The following KANK4 variants were observed in gnomAD, a reference collection of about 807,000 sequenced individuals.
KANK4 encodes the protein KN motif and ankyrin repeat domains 4.
KANK4 carries 50 observed loss-of-function variants against 80.8 expected under a neutral mutation model. The observed-to-expected ratio is 0.62, with a 90% CI of 0.49 to 0.78. The LOEUF (loss-of-function observed/expected upper bound fraction) is 0.78. Among genes scored for constraint, KANK4 ranks in the 30% least tolerant of loss-of-function variants. The pLI, the probability that KANK4 is intolerant of heterozygous loss-of-function variation, is 0.00. For missense variants in KANK4, 1,196 were observed against 1,240.1 expected (o/e 0.96, Z 0.53); for synonymous variants, 465 against 506.9 (o/e 0.92, Z 1.11).
At chr1:62,253,257 G>A (rs1194937695) in intron 7 of KANK4, 48 bp from the exon 8 acceptor site, 4 of 1,556,564 alleles carry the variant, frequency 2.6e-6, no homozygotes, top group Non-Finnish European at 3.5e-6. Flanking sequence ...GGGGCCAGGA[G>A]CCAGACTCCA....
intron 1 of KANK4, among the ~76,000 whole-genome samples, chr1:62,314,676 A>AG (rs1234686891): frequency 6.7e-6 from 1 of 148,206 alleles, no homozygotes; most frequent in East Asian, 2.0e-4. Context: ...TTCCATGCAA[A>AG]GGGGGAAAAG....
At chr1:62,267,826 C>T (rs1672061492) in intron 5 of KANK4, among the ~76,000 whole-genome samples, 2 of 150,684 alleles carry the variant, frequency 1.3e-5, no homozygotes, top group South Asian at 4.2e-4. Context: ...AGACACATCA[C>T]TTTAAAAGCC....
chr1:62,315,476 G>C (rs139709048), intron 1 of KANK4, among the ~76,000 whole-genome samples: 54 of 152,226 alleles, frequency 3.5e-4, no homozygotes, highest in African/African-American at 1.2e-3. Context: ...GCCAGGGATC[G>C]ACACACATGT....
chr1:62,268,399 C>T lies in KANK4; in HGVS notation c.2119G>A (p.Val707Ile), dbSNP rs750107726. ...KKCDGPDHKH[V>I]KDAHLTCEAG... ...TCGCAGGTGAGATGGGCATCTTTGA[C>T]ATGCTTGTGATCTGGGCCGTCACAC... Residue 707 changes from valine to isoleucine, a missense_variant, in exon 5 of 10, where the codon GTC becomes ATC. By Grantham distance (29) the Val-to-Ile change is conservative. This residue lies in a region of KANK4 where 1,154 missense variants were observed against 1,179.6 expected (regional missense o/e 0.98). Transcript: ENST00000371153. The T allele has an allele frequency of 1.7e-5, 28 of 1,613,954 alleles. No homozygotes were observed. In the Admixed American group the frequency reaches 4.7e-4, roughly 27 times the overall value.
intron 1 of KANK4, among the ~76,000 whole-genome samples, chr1:62,313,183 C>G (rs549271107): frequency 6.6e-6 from 1 of 152,250 alleles, no homozygotes; most frequent in South Asian, 2.1e-4. Flanking sequence ...TAAACTTTAT[C>G]ACAGGTATGT....
Position 62,247,786 on chromosome 1 carries a change from T to A in KANK4, c.2683-114A>T. ...TCAATACCACAACCACTGATTTGAATCTCCTGCCCTTGATATGGGACATAA... is the reference window on the plus strand; with the variant it reads ...TCAATACCACAACCACTGATTTGAAACTCCTGCCCTTGATATGGGACATAA... On this transcript the variant is annotated intron_variant, in intron 8 of 9. Transcript: ENST00000371153. 3 of 840,950 alleles carry A rather than the reference T, an allele frequency of 3.6e-6. No individual in the cohort carries two copies. In the South Asian group the frequency reaches 4.6e-5, roughly 13 times the overall value. The allele number at this position is 840,950 out of a possible 1,614,324, so 52.1% of individuals were successfully genotyped here. A position where few individuals can be genotyped will look rare whatever the true frequency, so the allele number is the denominator to read the frequency against.
rs576577183 is a variant in KANK4 at position 62,281,616 on chromosome 1, G to A, written c.-52C>T. 22 of 1,607,828 alleles carry A rather than the reference G, an allele frequency of 1.4e-5. No individual in the cohort carries two copies. Among genetic ancestry groups the A allele is most frequent in the Non-Finnish European group, 1.7e-5 (20 of 1,174,308 alleles). ...CAGGCACTCTTCATCCAATGAGTCT[G>A]TAAAACTTGTTGAAGGTTCTGAAAG... On this transcript the variant is annotated 5_prime_UTR_variant, in exon 2 of 10. Transcript: ENST00000371153.
intron 1 of KANK4, among the ~76,000 whole-genome samples, chr1:62,302,131 G>A (rs1275380880): frequency 6.6e-6 from 1 of 152,064 alleles, no homozygotes; most frequent in Non-Finnish European, 1.5e-5. Flanking sequence ...AAAAGAGCAG[G>A]AGGCAGACGT....
chr1:62,284,506 A>T (rs1434370982), intron 1 of KANK4, among the ~76,000 whole-genome samples: 1 of 151,972 alleles, frequency 6.6e-6, no homozygotes, highest in Non-Finnish European at 1.5e-5. Flanking sequence ...TTTAGTAGAG[A>T]TGGGGTTTCA....
intron 1 of KANK4, among the ~76,000 whole-genome samples, chr1:62,296,888 A>T (rs770614517): frequency 1.3e-5 from 2 of 151,926 alleles, no homozygotes; most frequent in Non-Finnish European, 2.9e-5. Context: ...TTCCCTGTAC[A>T]CTCATTTTAT....
At chr1:62,315,214 G>C (rs940869514) in intron 1 of KANK4, among the ~76,000 whole-genome samples, 5 of 152,094 alleles carry the variant, frequency 3.3e-5, no homozygotes, top group African/African-American at 9.7e-5. Flanking sequence ...GTGAATCTAG[G>C]CTCCAATCCC....
Position 62,319,313 on chromosome 1 carries a change from C to T in KANK4, c.-278G>A, listed in dbSNP as rs1422981109. 3 of 152,010 alleles carry T rather than the reference C, an allele frequency of 2.0e-5. No individual in the cohort carries two copies. Among genetic ancestry groups the T allele is most frequent in the South Asian group, 2.1e-4 (1 of 4,832 alleles). The allele number at this position is 152,010 out of a possible 1,614,324, so 9.4% of individuals were successfully genotyped here. ...TGGCCGACGGTCTCGGCCCTGGCCC[C>T]GGCGCACCCCTGCGGGCACACCCAC... On this transcript the variant is annotated 5_prime_UTR_variant, in exon 1 of 10. Coordinates refer to ENST00000371153, the MANE Select transcript of KANK4 (RefSeq NM_181712.5).
intron 8 of KANK4, among the ~76,000 whole-genome samples, chr1:62,252,081 G>C (rs868629951): frequency 1.7e-4 from 26 of 152,036 alleles, no homozygotes; most frequent in African/African-American, 6.3e-4. Flanking sequence ...GGGCTACTTT[G>C]GTAGTGCATG....
At chr1:62,242,364 A>G in intron 9 of KANK4, among the ~76,000 whole-genome samples, 1 of 66,178 alleles carries the variant, frequency 1.5e-5, no homozygotes, top group Non-Finnish European at 4.4e-5. Context: ...CATACCTCAA[A>G]AAAAAAAAAA....
intron 1 of KANK4, chr1:62,298,248 A>C (rs1644383611): frequency 6.6e-6 from 1 of 152,224 alleles, no homozygotes; most frequent in African/African-American, 2.4e-5. Flanking sequence ...TTGCTGCTGA[A>C]GTGAACACAG....
chr1:62,259,440 C>T (rs1671826777), intron 7 of KANK4, among the ~76,000 whole-genome samples: 1 of 152,140 alleles, frequency 6.6e-6, no homozygotes. Context: ...TCACGCCTGG[C>T]TAATCTTCGT....
In KANK4 at chr1:62,274,855, A is replaced by AG; in HGVS notation, c.248dup (p.Ala84CysfsTer31). ...ACCAGTTTTGGAGGGGCGGGGCTGC[A>AG]GGGGGGCGAGCCCCACTGTCAGGAA... On this transcript the variant is annotated frameshift_variant, in exon 3 of 10. Coordinates refer to ENST00000371153, the MANE Select transcript of KANK4 (RefSeq NM_181712.5). LOFTEE classifies it high-confidence loss of function. The AG allele has an allele frequency of 6.2e-7, 1 of 1,614,042 alleles. No individual in the cohort carries two copies. The highest frequency in any genetic ancestry group is 8.5e-7 in the Non-Finnish European group (1 of 1,179,958).
chr1:62,291,668 C>T (rs1370441901), intron 1 of KANK4, among the ~76,000 whole-genome samples: 7 of 152,056 alleles, frequency 4.6e-5, no homozygotes, highest in African/African-American at 9.7e-5. Flanking sequence ...AGTGCAATGA[C>T]GTGATCTCAG....
At chr1:62,305,190 A>C (rs1010484518) in intron 1 of KANK4, among the ~76,000 whole-genome samples, 1 of 152,246 alleles carries the variant, frequency 6.6e-6, no homozygotes, top group African/African-American at 2.4e-5. Flanking sequence ...CCTTCCTATC[A>C]GAGAACACCA....
Sources: allele counts gnomAD v4.1 joint callset (sites outside exome capture counted in the v4.1 genomes callset), GRCh38; gene constraint gnomAD v4.1.1; regional missense constraint gnomAD v4.1.1; transcripts MANE v1.5; gene names NCBI Gene and HGNC (gene_info 2026-07-23, HGNC 2026-07-21).